Variants in CDH23 observed in about 807,000 individuals in gnomAD.
CDH23 encodes the protein cadherin related 23.
CDH23 carries 189 observed loss-of-function variants against 317.1 expected under a neutral mutation model. The ratio of observed to expected loss-of-function variants is 0.60; its 90% CI spans 0.53 to 0.67. The LOEUF is 0.67. Ranked by LOEUF, CDH23 falls within the 30% of genes least tolerant of loss-of-function variation. The pLI is 0.00. For synonymous variants in CDH23, 1,839 were observed against 1,876.8 expected, an observed-to-expected ratio of 0.98 and a Z score of 0.52; for missense variants, 4,401 against 4,592.4, an observed-to-expected ratio of 0.96 and a Z score of 1.20.
intron 6 of CDH23, 58 bp downstream of exon 6, chr10:71,511,270 C>G: frequency 6.9e-7 from 1 of 1,443,054 alleles, no homozygotes; most frequent in Non-Finnish European, 9.8e-7. Context: ...CCCCAGACCA[C>G]CATGGTGTAG....
intron 55 of CDH23, among the ~76,000 whole-genome samples, chr10:71,805,354 T>C (rs1442108866): frequency 6.6e-6 from 1 of 152,132 alleles, no homozygotes; most frequent in Non-Finnish European, 1.5e-5. Flanking sequence ...AGGTACCCCA[T>C]TGGATGGATG....
intron 3 of CDH23, among the ~76,000 whole-genome samples, chr10:71,476,672 A>G (rs981303803): frequency 6.6e-6 from 1 of 152,226 alleles, no homozygotes; most frequent in Non-Finnish European, 1.5e-5. Flanking sequence ...AATATATCAC[A>G]TAGACAGAAG....
At chr10:71,484,892 C>T (rs1397689233) in intron 3 of CDH23, among the ~76,000 whole-genome samples, 1 of 151,986 alleles carries the variant, frequency 6.6e-6, no homozygotes, top group East Asian at 1.9e-4. Flanking sequence ...GAGCAACTTA[C>T]ATACAAGTTC....
chr10:71,424,938 G>A (rs1263589475), intron 1 of CDH23, among the ~76,000 whole-genome samples: 1 of 152,172 alleles, frequency 6.6e-6, no homozygotes, highest in East Asian at 1.9e-4. Context: ...AAGGGCATCT[G>A]GTCACAGGGC....
intron 69 of CDH23, among the ~76,000 whole-genome samples, chr10:71,813,677 T>C (rs1231217736): frequency 1.3e-5 from 2 of 151,772 alleles, no homozygotes; most frequent in Middle Eastern, 3.2e-3. Flanking sequence ...GAGGCTGAGG[T>C]GGGAGGATCA....
intron 55 of CDH23, among the ~76,000 whole-genome samples, chr10:71,804,071 T>C (rs1841640863): frequency 6.6e-6 from 1 of 152,032 alleles, no homozygotes; most frequent in African/African-American, 2.4e-5. Flanking sequence ...TCTGTAAGTC[T>C]GTTTTCTGTA....
At chr10:71,457,049 C>A (rs1480833198) in intron 3 of CDH23, among the ~76,000 whole-genome samples, 3 of 152,160 alleles carry the variant, frequency 2.0e-5, no homozygotes, top group African/African-American at 7.2e-5. Context: ...AACTACAGAG[C>A]CTTGCTAATG....
intron 3 of CDH23, among the ~76,000 whole-genome samples, chr10:71,459,959 C>G (rs1850897680): frequency 6.6e-6 from 1 of 152,238 alleles, no homozygotes; most frequent in Non-Finnish European, 1.5e-5. Flanking sequence ...CTCCTGGTCA[C>G]CTTCCTGTGT....
intron 6 of CDH23, among the ~76,000 whole-genome samples, chr10:71,544,964 G>A (rs891213826): frequency 1.3e-5 from 2 of 152,164 alleles, no homozygotes; most frequent in Non-Finnish European, 2.9e-5. Flanking sequence ...TGCAGTGTGT[G>A]CCCTGGGGTA....
chr10:71,534,453 C>T (rs1464556577), intron 6 of CDH23, among the ~76,000 whole-genome samples: 1 of 152,204 alleles, frequency 6.6e-6, no homozygotes, highest in Non-Finnish European at 1.5e-5. Context: ...GCTCCCCTTA[C>T]TCAAGTCAGT....
At chr10:71,608,179 C>T (rs1860641262) in intron 9 of CDH23, among the ~76,000 whole-genome samples, 1 of 152,202 alleles carries the variant, frequency 6.6e-6, no homozygotes, top group African/African-American at 2.4e-5. Context: ...AGTTCATGCT[C>T]AGTATGCGGT....
At chr10:71,561,312 C>T (rs1857119908) in intron 6 of CDH23, among the ~76,000 whole-genome samples, 2 of 151,920 alleles carry the variant, frequency 1.3e-5, no homozygotes, top group South Asian at 2.1e-4. Flanking sequence ...GCCCCTCCTC[C>T]CTGCCCCCCT....
chr10:71,417,829 C>G (rs1848598755), intron 1 of CDH23, among the ~76,000 whole-genome samples: 1 of 152,186 alleles, frequency 6.6e-6, no homozygotes, highest in Non-Finnish European at 1.5e-5. Flanking sequence ...AGGATGGTCT[C>G]TAACTCATGA....
chr10:71,778,444 C>A, intron 40 of CDH23, 136 bp downstream of exon 40: 1 of 1,158,918 alleles, frequency 8.6e-7, no homozygotes, highest in Non-Finnish European at 1.2e-6. Context: ...CTGTCCTAAT[C>A]TCAGCAACTC....
At chr10:71,734,370 A>G (rs769942737) in intron 33 of CDH23, 29 bp downstream of exon 33, 2 of 1,579,606 alleles carry the variant, frequency 1.3e-6, no homozygotes, top group South Asian at 2.3e-5. Context: ...AGAGTCCCTC[A>G]GGTGCGGCCC....
chr10:71,466,285 T>C (rs1388945759), intron 3 of CDH23, among the ~76,000 whole-genome samples: 1 of 152,150 alleles, frequency 6.6e-6, no homozygotes, highest in Non-Finnish European at 1.5e-5. Flanking sequence ...TATGTGAACG[T>C]GTATACCTGC....
intron 43 of CDH23, 111 bp downstream of exon 43, chr10:71,785,211 C>G: frequency 1.2e-6 from 1 of 837,120 alleles, no homozygotes; most frequent in Non-Finnish European, 1.9e-6. Flanking sequence ...GGCTCCCGTT[C>G]CTGCACTGGG....
At chr10:71,522,139 T>G (rs1271213732) in intron 6 of CDH23, among the ~76,000 whole-genome samples, 3 of 149,638 alleles carry the variant, frequency 2.0e-5, no homozygotes, top group Non-Finnish European at 3.0e-5. Context: ...TTTTTTTTTT[T>G]GTCTTATTTT....
At chr10:71,651,204 C>T (rs550583667) in intron 14 of CDH23, among the ~76,000 whole-genome samples, 2 of 152,172 alleles carry the variant, frequency 1.3e-5, no homozygotes, top group East Asian at 3.9e-4. Flanking sequence ...TTTGAGTAAG[C>T]ATTAACTGGT....
Sources: allele counts gnomAD v4.1 joint callset (sites outside exome capture counted in the v4.1 genomes callset), GRCh38; gene constraint gnomAD v4.1.1; transcripts MANE v1.5; gene names NCBI Gene and HGNC (gene_info 2026-07-23, HGNC 2026-07-21).